Variants in FRMPD4 observed in about 807,000 individuals in gnomAD.
FRMPD4 encodes the protein FERM and PDZ domain-containing protein 4.
FRMPD4 carries 22 observed loss-of-function variants against 94.1 expected under a neutral mutation model. That is an observed-to-expected ratio of 0.23 (90% CI 0.17 to 0.33). The LOEUF is 0.33. FRMPD4 is among the 10% of genes least tolerant of loss of function. The probability of loss-of-function intolerance (pLI) is 1.00; values close to 1 mark genes in which losing one functional copy is unlikely to be tolerated. For missense variants in FRMPD4, 1,111 were observed against 1,339.9 expected (o/e 0.83, Z 2.67); for synonymous variants, 631 against 548.6 (o/e 1.15, Z -2.10).
At chrX:12,091,802 C>T (rs1244370150) in intron 3 of FRMPD4, among the ~76,000 whole-genome samples, 1 of 111,457 alleles carries the variant, frequency 9.0e-6, no homozygotes, top group East Asian at 2.8e-4. Context: ...TTATATGGTC[C>T]CAATGTTAAT....
At chrX:12,102,707 C>G (rs1292636325) in intron 3 of FRMPD4, among the ~76,000 whole-genome samples, 1 of 110,827 alleles carries the variant, frequency 9.0e-6, no homozygotes, top group Non-Finnish European at 1.9e-5. Flanking sequence ...TCATGCATGT[C>G]TCAGAATCAA....
At chrX:12,642,298 G>A (rs1289849377) in intron 4 of FRMPD4, among the ~76,000 whole-genome samples, 1 of 111,881 alleles carries the variant, frequency 8.9e-6, no homozygotes, top group Non-Finnish European at 1.9e-5. Flanking sequence ...TGATGGCATA[G>A]GAGTAGAAGA....
chrX:12,452,055 G>GT (rs2057279219), intron 1 of FRMPD4, among the ~76,000 whole-genome samples: 1 of 110,000 alleles, frequency 9.1e-6, no homozygotes, highest in South Asian at 3.9e-4. Context: ...TTGCTGACTC[G>GT]TTTTTCCTCT....
intron 1 of FRMPD4, among the ~76,000 whole-genome samples, chrX:12,180,644 T>C (rs889488919): frequency 5.3e-5 from 6 of 112,592 alleles, no homozygotes; most frequent in African/African-American, 1.9e-4. Context: ...GTAATGCTTA[T>C]ATTGTTGGTT....
intron 3 of FRMPD4, among the ~76,000 whole-genome samples, chrX:12,121,740 A>G (rs1281546479): frequency 1.8e-5 from 2 of 111,812 alleles, no homozygotes; most frequent in Non-Finnish European, 3.8e-5. Context: ...TCCAAGCCTC[A>G]CAACATGTCT....
intron 1 of FRMPD4, among the ~76,000 whole-genome samples, chrX:12,337,154 A>G (rs1216532689): frequency 8.9e-6 from 1 of 112,196 alleles, no homozygotes; most frequent in Non-Finnish European, 1.9e-5. Flanking sequence ...CCAAATTATC[A>G]TTAAATCCAT....
rs775113211 is a variant in FRMPD4 at position 11,844,113 on chromosome X, G to A, written c.-160-20973G>A. Among the ~76,000 whole-genome samples the A allele has an allele frequency of 6.7e-5, 7 of 104,446 alleles. No individual in the cohort carries two copies. The South Asian group carries it at 1.8e-3, about 26-fold the overall frequency. The allele number at this position is 104,446 out of a possible 115,157, so 90.7% of individuals were successfully genotyped here. A position where few individuals can be genotyped will look rare whatever the true frequency, so the allele number is the denominator to read the frequency against. On this transcript the variant is annotated intron_variant, in intron 1 of 18. Coordinates refer to the FRMPD4 transcript ENST00000640291. ...AGAGATTCTCGTGCCTCAGCCTCCC[G>A]AGTAGCTGGGACTACAGGCATGCGC...
At chrX:12,069,996 T>C (rs978360245) in intron 3 of FRMPD4, among the ~76,000 whole-genome samples, 1 of 111,552 alleles carries the variant, frequency 9.0e-6, no homozygotes, top group Non-Finnish European at 1.9e-5. Flanking sequence ...TGGGTAAACC[T>C]TTCTAAAGAC....
chrX:12,198,451 C>T (rs920082519), intron 1 of FRMPD4, among the ~76,000 whole-genome samples: 5 of 111,895 alleles, frequency 4.5e-5, no homozygotes, highest in African/African-American at 1.3e-4. Context: ...AACCCCACCC[C>T]GACTTACCAA....
At chrX:12,413,559 A>C (rs2056761875) in intron 1 of FRMPD4, among the ~76,000 whole-genome samples, 1 of 112,192 alleles carries the variant, frequency 8.9e-6, no homozygotes, top group Non-Finnish European at 1.9e-5. Flanking sequence ...CTGGTTTGAG[A>C]GCCTGCATTC....
At chrX:12,024,821 T>C (rs1274977202) in intron 3 of FRMPD4, among the ~76,000 whole-genome samples, 1 of 112,517 alleles carries the variant, frequency 8.9e-6, no homozygotes, top group African/African-American at 3.2e-5. Flanking sequence ...GTTAACATTA[T>C]GTTTTTGAGT....
intron 1 of FRMPD4, among the ~76,000 whole-genome samples, chrX:12,197,001 A>G (rs746129735): frequency 1.8e-5 from 2 of 112,064 alleles, no homozygotes; most frequent in South Asian, 3.7e-4. Flanking sequence ...CCATCAGAAA[A>G]TGGAATATTC....
intron 9 of FRMPD4, among the ~76,000 whole-genome samples, chrX:12,695,891 T>TA (rs2060123693): frequency 9.0e-6 from 1 of 111,232 alleles, no homozygotes; most frequent in Admixed American, 9.5e-5. Flanking sequence ...CATGCACCAC[T>TA]ACTCCAGGCT....
intron 1 of FRMPD4, among the ~76,000 whole-genome samples, chrX:12,330,939 G>A (rs960155741): frequency 2.7e-5 from 3 of 111,497 alleles, no homozygotes; most frequent in African/African-American, 9.8e-5. Context: ...TTTACAGCAG[G>A]GATTAGCAAA....
chrX:12,418,370 T>G (rs2056837996), intron 1 of FRMPD4, among the ~76,000 whole-genome samples: 1 of 91,218 alleles, frequency 1.1e-5, no homozygotes, highest in Non-Finnish European at 2.2e-5. Flanking sequence ...TTTTTTTTTC[T>G]TTTTTTGAGA....
At chrX:11,829,307 G>C (rs2147271683) in intron 1 of FRMPD4, among the ~76,000 whole-genome samples, 1 of 112,051 alleles carries the variant, frequency 8.9e-6, no homozygotes, top group South Asian at 3.7e-4. Context: ...TACTGGCAGA[G>C]ATAAACTGAT....
At position 12,239,513 on chromosome X, in the gene FRMPD4, T is replaced by C. The variant is rs891891950; in HGVS notation, c.41+100501T>C. On this transcript the variant is annotated intron_variant, in intron 1 of 16. Coordinates refer to ENST00000675598, the MANE Select transcript of FRMPD4 (RefSeq NM_001368397.1). ...TGTTGAGACTTAACACAGTAAAAAT[T>C]ATTTCTTACTCATGCCATTATCTAG... Among the ~76,000 whole-genome samples, 5 of 112,328 alleles carry C rather than the reference T, an allele frequency of 4.5e-5. No homozygotes were observed. The South Asian group carries it at 1.1e-3, about 25-fold the overall frequency.
chrX:12,124,785 G>A (rs1427063110), intron 3 of FRMPD4, among the ~76,000 whole-genome samples: 1 of 111,642 alleles, frequency 9.0e-6, no homozygotes, highest in Non-Finnish European at 1.9e-5. Context: ...TGCCTCTGGA[G>A]TGTAAAATTG....
At chrX:12,096,192 C>G (rs767719491) in intron 3 of FRMPD4, among the ~76,000 whole-genome samples, 1 of 112,050 alleles carries the variant, frequency 8.9e-6, no homozygotes, top group Non-Finnish European at 1.9e-5. Flanking sequence ...CAAATATCAT[C>G]TGAACCCTAT....
Sources: allele counts gnomAD v4.1 joint callset (sites outside exome capture counted in the v4.1 genomes callset), GRCh38; gene constraint gnomAD v4.1.1; transcripts MANE v1.5; gene names NCBI Gene and HGNC (gene_info 2026-07-23, HGNC 2026-07-21).